The following SGIP1 variants were observed in gnomAD, a reference collection of about 807,000 sequenced individuals.
SGIP1 encodes the protein SH3GL interacting endocytic adaptor 1.
In SGIP1, 38 loss-of-function variants were observed where a neutral mutation model predicts 107.5. The ratio of observed to expected loss-of-function variants is 0.35; its 90% CI spans 0.27 to 0.46. The LOEUF (loss-of-function observed/expected upper bound fraction) is 0.46. Ranked by LOEUF, SGIP1 falls within the 20% of genes least tolerant of loss-of-function variation. SGIP1 has a pLI of 1.00. For missense variants in SGIP1, 929 were observed against 1,019.5 expected, an observed-to-expected ratio of 0.91 and a Z score of 1.21; for synonymous variants, 365 against 366.1, an observed-to-expected ratio of 1.00 and a Z score of 0.03.
At chr1:66,645,817 TAGATAG>T (rs1353916261) in intron 7 of SGIP1, among the ~76,000 whole-genome samples, 1 of 152,130 alleles carries the variant, frequency 6.6e-6, no homozygotes, top group Non-Finnish European at 1.5e-5. Context: ...TGTGTAAATA[TAGATAG>T]ATATAGATAT....
At chr1:66,587,979 A>G (rs780387222) in intron 1 of SGIP1, among the ~76,000 whole-genome samples, 42 of 152,124 alleles carry the variant, frequency 2.8e-4, no homozygotes, top group Non-Finnish European at 4.1e-4. Context: ...TCTTCTTTTC[A>G]TTAAACAAGA....
chr1:66,570,290 GTT>G (rs1257118151), intron 1 of SGIP1, among the ~76,000 whole-genome samples: 1 of 151,768 alleles, frequency 6.6e-6, no homozygotes, highest in Non-Finnish European at 1.5e-5. Context: ...AACTTCCCCT[GTT>G]TTGTTTGGAA....
intron 2 of SGIP1, among the ~76,000 whole-genome samples, chr1:66,630,811 GA>G (rs2074129646): frequency 6.2e-4 from 3 of 4,856 alleles, no homozygotes; most frequent in Non-Finnish European, 9.5e-4. Flanking sequence ...CGGAAAGAAA[GA>G]AAGAAAGAAA....
At chr1:66,687,483 A>C (rs2088676634) in intron 15 of SGIP1, among the ~76,000 whole-genome samples, 1 of 152,194 alleles carries the variant, frequency 6.6e-6, no homozygotes, top group African/African-American at 2.4e-5. Context: ...AAGACTAAAA[A>C]TATCTATATT....
chr1:66,738,889 C>G (rs770957270), intron 21 of SGIP1, among the ~76,000 whole-genome samples: 1 of 152,182 alleles, frequency 6.6e-6, no homozygotes, highest in Non-Finnish European at 1.5e-5. Flanking sequence ...AAAACACCTC[C>G]TTCAATCTTC....
intron 1 of SGIP1, among the ~76,000 whole-genome samples, chr1:66,564,169 A>G (rs1212850485): frequency 6.6e-6 from 1 of 151,966 alleles, no homozygotes; most frequent in Non-Finnish European, 1.5e-5. Context: ...CTAAAGAAGC[A>G]ATTTGGAAAC....
intron 4 of SGIP1, among the ~76,000 whole-genome samples, chr1:66,637,504 A>G (rs559484123): frequency 6.6e-6 from 1 of 150,604 alleles, no homozygotes; most frequent in East Asian, 2.0e-4. Context: ...ATATCTGCCA[A>G]AAATAATGTA....
At chr1:66,670,776 G>A (rs148985249) in intron 9 of SGIP1, among the ~76,000 whole-genome samples, 23 of 151,968 alleles carry the variant, frequency 1.5e-4, no homozygotes, top group Middle Eastern at 3.4e-3. Context: ...GAAGACTTAC[G>A]ATTTACCCTT....
chr1:66,678,022 C>A (rs983098508), intron 13 of SGIP1, among the ~76,000 whole-genome samples: 1 of 152,106 alleles, frequency 6.6e-6, no homozygotes, highest in Non-Finnish European at 1.5e-5. Flanking sequence ...GCTATAAAGC[C>A]GTGTGATCTA....
At chr1:66,637,700 A>G (rs538392368) in intron 4 of SGIP1, among the ~76,000 whole-genome samples, 1 of 151,554 alleles carries the variant, frequency 6.6e-6, no homozygotes, top group African/African-American at 2.4e-5. Context: ...ACAGTATTAG[A>G]TATATGTTGT....
intron 3 of SGIP1, among the ~76,000 whole-genome samples, chr1:66,635,553 A>G (rs898984519): frequency 6.6e-6 from 1 of 152,214 alleles, no homozygotes; most frequent in African/African-American, 2.4e-5. Context: ...ATCCAGGCTA[A>G]ACTGAACTTT....
chr1:66,537,723 A>C (rs2053958302), intron 1 of SGIP1, among the ~76,000 whole-genome samples: 1 of 152,134 alleles, frequency 6.6e-6, no homozygotes, highest in Non-Finnish European at 1.5e-5. Context: ...AGGATAATTT[A>C]ATATATTTTA....
At position 66,672,104 on chromosome 1, in the gene SGIP1, A is replaced by G. The variant is rs193186516; in HGVS notation, c.560+109A>G. 3.6e-4 allele frequency: 352 copies of G among 986,390 alleles called. 1 individual carries two copies. The African/African-American group carries it at 5.3e-3, about 15-fold the overall frequency. The allele number at this position is 986,390 out of a possible 1,614,324, so 61.1% of individuals were successfully genotyped here. A position where few individuals can be genotyped will look rare whatever the true frequency, so the allele number is the denominator to read the frequency against. Reference sequence around the variant, plus strand: ...CTCAGCTCCCATTAACAAAGGCTCTACCAAAACATGTCAGTCCATATGTCC... The same window carrying G: ...CTCAGCTCCCATTAACAAAGGCTCTGCCAAAACATGTCAGTCCATATGTCC... On this transcript the variant is annotated intron_variant, in intron 11 of 24. Transcript: ENST00000371037.
chr1:66,574,654 C>T (rs779714912), intron 1 of SGIP1, among the ~76,000 whole-genome samples: 2 of 152,170 alleles, frequency 1.3e-5, no homozygotes, highest in Non-Finnish European at 2.9e-5. Flanking sequence ...CTTTCTTAAG[C>T]AAATCTATCC....
At chr1:66,674,651 G>A (rs2084756099) in intron 12 of SGIP1, among the ~76,000 whole-genome samples, 1 of 152,172 alleles carries the variant, frequency 6.6e-6, no homozygotes, top group Non-Finnish European at 1.5e-5. Flanking sequence ...ATATAGGACT[G>A]GTAAAGTAGT....
At position 66,589,702 on chromosome 1, in the gene SGIP1, C is replaced by G. The variant is rs1445011836; in HGVS notation, c.11-36145C>G. On this transcript the variant is annotated intron_variant, in intron 1 of 24. Coordinates refer to ENST00000371037, the MANE Select transcript of SGIP1 (RefSeq NM_032291.4). ...AATGAGAGTGTTTGACAGCATATTC[C>G]TAAGATATTTTCTTTAAGTAAAGGT... Among the ~76,000 whole-genome samples the G allele has an allele frequency of 3.3e-5, 5 of 152,112 alleles. No individual in the cohort carries two copies. In the East Asian group the frequency reaches 9.6e-4, roughly 29 times the overall value.
At chr1:66,605,104 C>T (rs1425260817) in intron 1 of SGIP1, among the ~76,000 whole-genome samples, 2 of 152,214 alleles carry the variant, frequency 1.3e-5, no homozygotes, top group Non-Finnish European at 1.5e-5. Flanking sequence ...GGGCTTTCAA[C>T]ATGAAGTCCA....
intron 1 of SGIP1, among the ~76,000 whole-genome samples, chr1:66,593,882 A>G (rs1283104374): frequency 6.6e-6 from 1 of 152,210 alleles, no homozygotes; most frequent in Non-Finnish European, 1.5e-5. Context: ...GTTTTTCTAA[A>G]TAAGATTAAG....
At chr1:66,653,966 G>C (rs1357473333) in intron 7 of SGIP1, among the ~76,000 whole-genome samples, 6 of 152,060 alleles carry the variant, frequency 3.9e-5, no homozygotes, top group Non-Finnish European at 8.8e-5. Flanking sequence ...CTGAATGTTG[G>C]GTTTCTAACA....
Sources: allele counts gnomAD v4.1 joint callset (sites outside exome capture counted in the v4.1 genomes callset), GRCh38; gene constraint gnomAD v4.1.1; transcripts MANE v1.5; gene names NCBI Gene and HGNC (gene_info 2026-07-23, HGNC 2026-07-21).